The following ZNF385D variants were observed in gnomAD, a reference collection of about 807,000 sequenced individuals.
ZNF385D encodes zinc finger protein 385D.
A neutral mutation model predicts 35.8 loss-of-function variants in ZNF385D; 15 were observed. The ratio of observed to expected loss-of-function variants is 0.42; its 90% CI spans 0.28 to 0.64. ZNF385D has a LOEUF of 0.64. Among genes scored for constraint, ZNF385D ranks in the 30% least tolerant of loss-of-function variants. ZNF385D has a pLI of 0.23. For missense variants in ZNF385D, 474 were observed against 494.6 expected (o/e 0.96, Z 0.39); for synonymous variants, 212 against 186.8 (o/e 1.13, Z -1.10).
intron 3 of ZNF385D, among the ~76,000 whole-genome samples, chr3:21,549,604 T>C (rs1455277862): frequency 6.6e-6 from 1 of 152,200 alleles, no homozygotes; most frequent in Non-Finnish European, 1.5e-5. Context: ...CAGAGCCAGC[T>C]TTTCACACAG....
intron 3 of ZNF385D, among the ~76,000 whole-genome samples, chr3:21,543,360 C>G (rs2062249204): frequency 6.6e-6 from 1 of 152,210 alleles, no homozygotes; most frequent in African/African-American, 2.4e-5. Flanking sequence ...CCTGCAACTT[C>G]TGAGCATATG....
At chr3:22,325,137 A>G (rs917729458) in intron 2 of ZNF385D, among the ~76,000 whole-genome samples, 1 of 152,242 alleles carries the variant, frequency 6.6e-6, no homozygotes, top group Non-Finnish European at 1.5e-5. Flanking sequence ...AAATACTACT[A>G]CAATATTACT....
chr3:22,103,539 C>G (rs1379666783), intron 3 of ZNF385D, among the ~76,000 whole-genome samples: 1 of 152,056 alleles, frequency 6.6e-6, no homozygotes, highest in Non-Finnish European at 1.5e-5. Flanking sequence ...TATCTTCAAT[C>G]ATTAACTTTT....
intron 2 of ZNF385D, among the ~76,000 whole-genome samples, chr3:22,347,815 A>G (rs529122229): frequency 6.6e-6 from 1 of 152,164 alleles, no homozygotes; most frequent in Non-Finnish European, 1.5e-5. Context: ...TCCAAAAAAA[A>G]CCTTCAATTT....
intron 5 of ZNF385D, among the ~76,000 whole-genome samples, chr3:21,436,132 T>G (rs1213658767): frequency 6.6e-6 from 1 of 152,152 alleles, no homozygotes; most frequent in Non-Finnish European, 1.5e-5. Flanking sequence ...CTGATCATTG[T>G]TTGCGAGACT....
chr3:21,711,264 A>C (rs1293601748), intron 1 of ZNF385D, among the ~76,000 whole-genome samples: 1 of 151,640 alleles, frequency 6.6e-6, no homozygotes, highest in Non-Finnish European at 1.5e-5. Context: ...GATGGTCTCG[A>C]TCTCCTGACC....
chr3:21,688,532 C>G (rs1432566006), intron 1 of ZNF385D, among the ~76,000 whole-genome samples: 2 of 152,000 alleles, frequency 1.3e-5, no homozygotes, highest in Non-Finnish European at 2.9e-5. Flanking sequence ...ACTTAGAAAA[C>G]AAGTCTTTAT....
At chr3:21,457,475 C>T (rs950621563) in intron 4 of ZNF385D, among the ~76,000 whole-genome samples, 35 of 152,188 alleles carry the variant, frequency 2.3e-4, no homozygotes, top group African/African-American at 7.2e-4. Context: ...TCTGCCTCAG[C>T]CTCCTGAGTA....
At chr3:21,492,185 T>C (rs1168247904) in intron 4 of ZNF385D, among the ~76,000 whole-genome samples, 2 of 152,080 alleles carry the variant, frequency 1.3e-5, no homozygotes, top group Non-Finnish European at 2.9e-5. Flanking sequence ...GAAGCTTACA[T>C]TGAGTAGGAT....
At chr3:21,690,891 C>G (rs894021007) in intron 1 of ZNF385D, among the ~76,000 whole-genome samples, 13 of 152,186 alleles carry the variant, frequency 8.5e-5, no homozygotes, top group African/African-American at 3.1e-4. Flanking sequence ...TGCCATCACC[C>G]TGTGCACCTA....
intron 3 of ZNF385D, among the ~76,000 whole-genome samples, chr3:22,167,268 C>A (rs1266901443): frequency 6.6e-6 from 1 of 152,206 alleles, no homozygotes; most frequent in Non-Finnish European, 1.5e-5. Flanking sequence ...CACTTCTATG[C>A]CCACCTTTGA....
chr3:21,762,312 C>A (rs1041275901), intron 3 of ZNF385D, among the ~76,000 whole-genome samples: 24 of 152,140 alleles, frequency 1.6e-4, no homozygotes, highest in African/African-American at 5.6e-4. Context: ...CAAACTTCTA[C>A]AATTCATCTA....
intron 2 of ZNF385D, among the ~76,000 whole-genome samples, chr3:22,312,325 G>C (rs986767311): frequency 1.3e-5 from 2 of 152,018 alleles, no homozygotes; most frequent in Non-Finnish European, 2.9e-5. Flanking sequence ...CACACCATTA[G>C]AGCATGAAGA....
chr3:21,908,142 C>G (rs1229540392), intron 3 of ZNF385D, among the ~76,000 whole-genome samples: 2 of 149,246 alleles, frequency 1.3e-5, no homozygotes, highest in African/African-American at 5.0e-5. Flanking sequence ...ATCTATCTAT[C>G]TATCTATCTA....
chr3:22,020,170 G>T (rs1045057671), intron 3 of ZNF385D, among the ~76,000 whole-genome samples: 1 of 151,764 alleles, frequency 6.6e-6, no homozygotes, highest in East Asian at 1.9e-4. Flanking sequence ...GACTTGTCAT[G>T]CAATACATGA....
chr3:21,815,289 G>C lies in ZNF385D; in HGVS notation c.326-150261C>G, dbSNP rs552812127. ...AATTAAAAGAACTAGAGAAGCAAGA[G>C]CAAACAGATTCAAAAGCTAGCAGAA... On this transcript the variant is annotated intron_variant, in intron 3 of 5. Transcript: ENST00000494108. Among the ~76,000 whole-genome samples the C allele has an allele frequency of 2.3e-4, 35 of 152,188 alleles. 1 individual carries two copies. The South Asian group carries it at 5.2e-3, about 23-fold the overall frequency.
intron 3 of ZNF385D, among the ~76,000 whole-genome samples, chr3:21,822,982 T>TG (rs1216098094): frequency 6.6e-6 from 1 of 151,996 alleles, no homozygotes; most frequent in Admixed American, 6.6e-5. Flanking sequence ...AGTTACCTGA[T>TG]GGGGGGACAA....
intron 3 of ZNF385D, among the ~76,000 whole-genome samples, chr3:22,153,648 G>A (rs973909645): frequency 9.2e-5 from 14 of 151,892 alleles, no homozygotes; most frequent in Non-Finnish European, 1.9e-4. Context: ...ATTTTTAGTA[G>A]AGATGGCATT....
intron 4 of ZNF385D, among the ~76,000 whole-genome samples, chr3:21,472,624 C>G (rs192295287): frequency 6.6e-6 from 1 of 152,168 alleles, no homozygotes; most frequent in South Asian, 2.1e-4. Flanking sequence ...TGCGAACAAA[C>G]TGCATCTTAA....
Sources: allele counts gnomAD v4.1 joint callset (sites outside exome capture counted in the v4.1 genomes callset), GRCh38; gene constraint gnomAD v4.1.1; transcripts MANE v1.5; gene names NCBI Gene and HGNC (gene_info 2026-07-23, HGNC 2026-07-21).